GTF2F1: variants seen among roughly 807,000 people sequenced by gnomAD.
GTF2F1 encodes general transcription factor IIF 74 kDa subunit.
In GTF2F1, 39 loss-of-function variants were observed where a neutral mutation model predicts 63.5. The observed-to-expected ratio is 0.61, with a 90% confidence interval of 0.48 to 0.80. The LOEUF (loss-of-function observed/expected upper bound fraction) is 0.80, where lower values mean the gene tolerates loss of function less well. Ranked by LOEUF, GTF2F1 falls within the 30% of genes least tolerant of loss-of-function variation. The pLI is 0.00. For synonymous variants in GTF2F1, 287 were observed against 285.3 expected, an observed-to-expected ratio of 1.01 and a Z score of -0.06; for missense variants, 657 against 718.3, an observed-to-expected ratio of 0.91 and a Z score of 0.97.
chr19:6,385,132 C>T (rs552093364), intron 5 of GTF2F1, among the ~76,000 whole-genome samples: 1 of 152,068 alleles, frequency 6.6e-6, no homozygotes, highest in South Asian at 2.1e-4. Context: ...CCATGGCTCA[C>T]ACCTGTAATC....
At position 6,392,918 on chromosome 19, in the gene GTF2F1, A is replaced by C. The variant is rs752362358; in HGVS notation, c.13-15T>G. On this transcript the variant is annotated splice_polypyrimidine_tract_variant and intron_variant, in intron 1 of 12. Coordinates refer to ENST00000394456, the MANE Select transcript of GTF2F1 (RefSeq NM_002096.3). ...CTGCTAGGGCCCTGCGGAAAGAGGA[A>C]GCGGTGAGTGAGGGGTCGCCGAGGT... 1.2e-6 allele frequency: 2 copies of C among 1,614,118 alleles called. No individual in the cohort carries two copies. Among genetic ancestry groups the C allele is most frequent in the Non-Finnish European group, 1.7e-6 (2 of 1,179,996 alleles).
At chr19:6,387,194 C>G in intron 5 of GTF2F1, 195 bp downstream of exon 5, 1 of 430,150 alleles carries the variant, frequency 2.3e-6, no homozygotes, top group Non-Finnish European at 3.8e-6. Context: ...TGGCAGCACC[C>G]TCTGGGGTGC....
intron 5 of GTF2F1, among the ~76,000 whole-genome samples, chr19:6,384,871 C>T (rs1003265338): frequency 4.6e-5 from 7 of 151,304 alleles, no homozygotes; most frequent in Admixed American, 4.6e-4. Flanking sequence ...ACAACCTCCA[C>T]CTCCCGGGTT....
rs1357663515 is a variant in GTF2F1 at position 6,380,585 on chromosome 19, G to A, written c.1337C>T (p.Thr446Ile). The change falls in exon 12 of 13, where the codon ACA becomes ATA. Residue 446 changes from threonine (T) to isoleucine (I), a missense_variant. Physicochemically the swap from Thr to Ile is moderately conservative, Grantham distance 89. Transcript: ENST00000394456. The surrounding 1 kb of genome is among the most constrained non-coding windows in gnomAD (Gnocchi z 5.3). ...CTCGTCAACTTACCCGCTGTTGGGTGTTGTCTTGCCTGATGGTGGCTGGGG... is the reference window on the plus strand; with the variant it reads ...CTCGTCAACTTACCCGCTGTTGGGTATTGTCTTGCCTGATGGTGGCTGGGG... ...STPQPPSGKT[T>I]PNSGDVQVTE... The A allele has an allele frequency of 6.2e-7, 1 of 1,614,028 alleles. No individual in the cohort carries two copies. The highest frequency in any genetic ancestry group is 1.7e-5 in the Admixed American group (1 of 60,008).
chr19:6,386,253 G>C (rs1051652994), intron 5 of GTF2F1, among the ~76,000 whole-genome samples: 13 of 151,140 alleles, frequency 8.6e-5, no homozygotes, highest in Non-Finnish European at 1.6e-4. Flanking sequence ...GCGTGGTGGT[G>C]CATGCCTGTA....
Position 6,380,917 on chromosome 19 carries a change from G to A in GTF2F1, c.1218C>T (p.Ser406=). ...ACGGGCACTCACCTTGCTCGAGTTT[G>A]CTGGCAGCCGCCCGCAGGGTGGAGG... is the stretch of plus-strand genomic sequence containing the variant. ...STSSTLRAAA[S]KLEQGKRVSE... The change falls in exon 11 of 13, where the codon AGC becomes AGT. Residue 406 remains serine (S), a synonymous_variant. Transcript: ENST00000394456. The surrounding 1 kb of genome is among the most constrained non-coding windows in gnomAD (Gnocchi z 5.3). 1 of 1,565,712 alleles carries A rather than the reference G, an allele frequency of 6.4e-7. No homozygotes were observed. The highest frequency in any genetic ancestry group is 8.6e-7 in the Non-Finnish European group (1 of 1,157,838).
chr19:6,381,670 C>G lies in GTF2F1; in HGVS notation c.836+27G>C. The G allele has an allele frequency of 6.2e-7, 1 of 1,614,082 alleles. No homozygotes were observed. Among genetic ancestry groups the G allele is most frequent in the Non-Finnish European group, 8.5e-7 (1 of 1,180,030 alleles). On this transcript the variant is annotated intron_variant, in intron 7 of 12. Coordinates refer to ENST00000394456, the MANE Select transcript of GTF2F1 (RefSeq NM_002096.3). This position sits in a 1 kb window ranked among gnomAD's most constrained non-coding sequence, Gnocchi z 4.1. ...GCGCGCTCGCGAGGCTGCATGGGGT[C>G]TCGCAGGCGCCTCCCGTCGGCCTCA...
intron 5 of GTF2F1, among the ~76,000 whole-genome samples, chr19:6,385,395 CAAAAAAAAAAA>C (rs10602439): frequency 1.3e-4 from 5 of 37,976 alleles, no homozygotes; most frequent in Non-Finnish European, 2.6e-4. Flanking sequence ...GAGACTGTCT[CAAAAAAAAAAA>C]AAAAAAAAAA....
At chr19:6,389,120 C>G (rs1020950051) in intron 4 of GTF2F1, among the ~76,000 whole-genome samples, 1 of 152,042 alleles carries the variant, frequency 6.6e-6, no homozygotes, top group Non-Finnish European at 1.5e-5. Context: ...CCTGTAATCC[C>G]AGCTACTCAG....
chr19:6,382,580 G>A (rs1013960596), intron 6 of GTF2F1, among the ~76,000 whole-genome samples: 3 of 148,426 alleles, frequency 2.0e-5, no homozygotes, highest in African/African-American at 5.0e-5. Context: ...GCAGTGAGCC[G>A]AGATTGCGCC....
intron 2 of GTF2F1, chr19:6,392,346 C>T (rs1262692461): frequency 2.1e-6 from 1 of 477,624 alleles, no homozygotes; most frequent in African/African-American, 2.0e-5. Flanking sequence ...TTGGGGGAAC[C>T]CAAGATGTGG....
Position 6,381,434 on chromosome 19 carries a change from T to C in GTF2F1, c.943A>G (p.Lys315Glu), listed in dbSNP as rs771316028. The C allele has an allele frequency of 4.3e-6, 7 of 1,609,982 alleles. No individual in the cohort carries two copies. The East Asian group carries it at 1.3e-4, about 31-fold the overall frequency. The change falls in exon 9 of 13, where the codon AAG becomes GAG. Residue 315 changes from lysine (K) to glutamate (E), a missense_variant. Physicochemically the swap from Lys to Glu is moderately conservative, Grantham distance 56. Coordinates refer to ENST00000394456, the MANE Select transcript of GTF2F1 (RefSeq NM_002096.3). This position sits in a 1 kb window ranked among gnomAD's most constrained non-coding sequence, Gnocchi z 4.1. ...TCCTCCTTGTCCTCCTCAGGCGGCT[T>C]CTCCTCCTCACTCTCCTCACTACTG... ...SDSSEESEEE[K>E]PPEEDKEEEE...
chr19:6,391,904 G>C lies in GTF2F1; in HGVS notation c.130C>G (p.Gln44Glu). The change falls in exon 3 of 13, where the codon CAG becomes GAG. Residue 44 changes from glutamine (Q) to glutamate (E), a missense_variant and splice_region_variant. By Grantham distance (29) the Gln-to-Glu change is conservative (BLOSUM62 2). Coordinates refer to ENST00000394456, the MANE Select transcript of GTF2F1 (RefSeq NM_002096.3). ...ACCCCCAGGACTCAGAGACTTACCT[G>C]ATTCCACGTAGCAAAGTTGACTTTG... ...ADKVNFATWN[Q>E]ARLERDLSNK... The C allele has an allele frequency of 6.4e-7, 1 of 1,571,482 alleles. No individual in the cohort carries two copies. Among genetic ancestry groups the C allele is most frequent in the Non-Finnish European group, 8.7e-7 (1 of 1,153,234 alleles).
In GTF2F1 at chr19:6,387,222, G is replaced by A; in HGVS notation, c.497+167C>T. 4.8e-6 allele frequency: 3 copies of A among 626,448 alleles called. No individual in the cohort carries two copies. In the South Asian group the frequency reaches 6.1e-5, roughly 13 times the overall value. The allele number at this position is 626,448 out of a possible 1,614,324, so 38.8% of individuals were successfully genotyped here. A position where few individuals can be genotyped will look rare whatever the true frequency, so the allele number is the denominator to read the frequency against. ...TGGGGTGCCCCATTGTGGCCCTAAG[G>A]CCTCCTATCTGTTTCCTCCTGAACT... On this transcript the variant is annotated intron_variant, in intron 5 of 12. Coordinates refer to ENST00000394456, the MANE Select transcript of GTF2F1 (RefSeq NM_002096.3).
Position 6,391,758 on chromosome 19 carries a change from T to C in GTF2F1, c.132+144A>G, listed in dbSNP as rs758192195. ...GTGAACTACTGCACCCAACCCTTTG[T>C]CATCTATCTTTTCTTCACTTGGAGA... On this transcript the variant is annotated intron_variant, in intron 3 of 12. Coordinates refer to ENST00000394456, the MANE Select transcript of GTF2F1 (RefSeq NM_002096.3). The C allele has an allele frequency of 5.1e-6, 3 of 589,056 alleles. No individual in the cohort carries two copies. In the South Asian group the frequency reaches 6.1e-5, roughly 12 times the overall value. The allele number at this position is 589,056 out of a possible 1,614,324, so 36.5% of individuals were successfully genotyped here. A position where few individuals can be genotyped will look rare whatever the true frequency, so the allele number is the denominator to read the frequency against.
In GTF2F1 at chr19:6,392,873, C is replaced by T. The variant is rs528061286; in HGVS notation, c.43G>A (p.Val15Ile). The change falls in exon 2 of 13, where the codon GTC becomes ATC. Residue 15 changes from valine to isoleucine, a missense_variant. Transcript: ENST00000394456. ...GPSSQNVTEY[V>I]VRVPKNTTKK... ...GGGACTTACTTAGGAACTCGAACGACGTATTCAGTGACATTCTGGCTGCTA... is the reference window on the plus strand; with the variant it reads ...GGGACTTACTTAGGAACTCGAACGATGTATTCAGTGACATTCTGGCTGCTA... 1.9e-6 allele frequency: 3 copies of T among 1,614,028 alleles called. No individual in the cohort carries two copies. The highest frequency in any genetic ancestry group is 3.3e-5 in the Admixed American group (2 of 60,006).
chr19:6,381,161 G>A lies in GTF2F1; in HGVS notation c.1053C>T (p.Ser351=), dbSNP rs575943672. 5.6e-5 allele frequency: 91 copies of A among 1,611,528 alleles called. No individual in the cohort carries two copies. The East Asian group carries it at 1.3e-3, about 23-fold the overall frequency. Residue 351 remains serine, a synonymous_variant, in exon 10 of 13, where the codon AGC becomes AGT. Transcript: ENST00000394456. The surrounding 1 kb of genome is among the most constrained non-coding windows in gnomAD (Gnocchi z 4.1). ...SSEESDSSEE[S]DIDSEASSAL... ...CTGAGGAGGCCTCGCTGTCAATGTC[G>A]CTCTCCTCTGAGCTGTCCGACTCCT...
At position 6,383,343 on chromosome 19, in the gene GTF2F1, G is replaced by A. The variant is rs1451524687; in HGVS notation, c.650C>T (p.Ser217Leu). The change falls in exon 6 of 13, where the codon TCG (serine) becomes TTG (leucine). Residue 217 changes from serine (S) to leucine (L), a missense_variant. By Grantham distance (145) the Ser-to-Leu change is moderately radical. Coordinates refer to ENST00000394456, the MANE Select transcript of GTF2F1 (RefSeq NM_002096.3). The surrounding 1 kb of genome is among the most constrained non-coding windows in gnomAD (Gnocchi z 4.5). ...IHDLEDDLEMSSDASDASGEE... is the reference protein window; with the variant it reads ...IHDLEDDLEMLSDASDASGEE... ...ACCACTGGCATCACTGGCATCGGACGACATCTCCAGGTCGTCCTCCAGGTC... is the reference window on the plus strand; with the variant it reads ...ACCACTGGCATCACTGGCATCGGACAACATCTCCAGGTCGTCCTCCAGGTC... The A allele has an allele frequency of 4.3e-6, 7 of 1,613,966 alleles. No homozygotes were observed. The highest frequency in any genetic ancestry group is 2.2e-5 in the South Asian group (2 of 91,086).
intron 5 of GTF2F1, among the ~76,000 whole-genome samples, chr19:6,386,535 TC>T (rs1302042744): frequency 6.6e-6 from 1 of 151,860 alleles, no homozygotes; most frequent in Non-Finnish European, 1.5e-5. Flanking sequence ...AAGCTCCGCC[TC>T]CCAGTTCACG....
Sources: allele counts gnomAD v4.1 joint callset (sites outside exome capture counted in the v4.1 genomes callset), GRCh38; gene constraint gnomAD v4.1.1; non-coding constraint Gnocchi (gnomAD v3.1); transcripts MANE v1.5; gene names NCBI Gene and HGNC (gene_info 2026-07-23, HGNC 2026-07-21).